The following DCC variants were observed in gnomAD, a reference collection of about 807,000 sequenced individuals.
DCC encodes DCC netrin 1 receptor, also known as netrin receptor DCC.
DCC carries 58 observed loss-of-function variants against 172.5 expected under a neutral mutation model. That is an observed-to-expected ratio of 0.34 (90% CI 0.27 to 0.42). The LOEUF is 0.42. DCC is among the 10% of genes least tolerant of loss of function. The pLI is 1.00. For missense variants in DCC, 1,740 were observed against 1,791.0 expected, an observed-to-expected ratio of 0.97 and a Z score of 0.51; for synonymous variants, 709 against 644.5, an observed-to-expected ratio of 1.10 and a Z score of -1.52.
Position 52,620,232 on chromosome 18 carries a change from C to T in DCC, c.92-131822C>T, listed in dbSNP as rs561820980. Among the ~76,000 whole-genome samples the T allele has an allele frequency of 5.3e-5, 8 of 152,292 alleles. No individual in the cohort carries two copies. In the South Asian group the frequency reaches 1.5e-3, roughly 28 times the overall value. On this transcript the variant is annotated intron_variant, in intron 1 of 28. Transcript: ENST00000442544. ...CCTCTCAAACAATTTCTCTCCTTAT[C>T]TGTGAAGGGAGGAGGTTGGACAGTT...
chr18:53,402,285 G>C (rs780520565), intron 18 of DCC, among the ~76,000 whole-genome samples: 1 of 151,982 alleles, frequency 6.6e-6, no homozygotes, highest in Admixed American at 6.5e-5. Flanking sequence ...GGCTACTCAG[G>C]AGGCTGAGAT....
At chr18:52,907,443 G>T (rs563661476) in intron 3 of DCC, among the ~76,000 whole-genome samples, 1 of 150,104 alleles carries the variant, frequency 6.7e-6, no homozygotes, top group East Asian at 1.9e-4. Context: ...TTTAGACTAG[G>T]GTCTTACTCT....
In DCC at chr18:53,000,320, T is replaced by C. The variant is rs184628482; in HGVS notation, c.986-62985T>C. Among the ~76,000 whole-genome samples, 6 of 152,222 alleles carry C rather than the reference T, an allele frequency of 3.9e-5. No individual in the cohort carries two copies. In the East Asian group the frequency reaches 1.2e-3, roughly 29 times the overall value. On this transcript the variant is annotated intron_variant, in intron 5 of 28. Transcript: ENST00000442544. Reference sequence around the variant, plus strand: ...TATAGTAAGCGGTGCCCCTTGATGATGCTTCTTCAGCCCCCTTCACATTAT... The same window carrying C: ...TATAGTAAGCGGTGCCCCTTGATGACGCTTCTTCAGCCCCCTTCACATTAT...
intron 15 of DCC, among the ~76,000 whole-genome samples, chr18:53,345,532 T>C (rs2057713637): frequency 6.6e-6 from 1 of 152,184 alleles, no homozygotes; most frequent in South Asian, 2.1e-4. Flanking sequence ...TATGATGTTT[T>C]CTATTTACCC....
At chr18:53,354,877 T>C (rs1446031232) in intron 15 of DCC, among the ~76,000 whole-genome samples, 1 of 151,058 alleles carries the variant, frequency 6.6e-6, no homozygotes, top group Non-Finnish European at 1.5e-5. Context: ...TGGTATTGCC[T>C]AGGTTTTCTT....
In DCC at chr18:53,311,658, A is replaced by G. The variant is rs192029588; in HGVS notation, c.2053+5939A>G. ...AAAACAATGTTTAACATTTACAACA[A>G]TAATACCCATATTATTACTTACTGA... is the stretch of plus-strand genomic sequence containing the variant. On this transcript the variant is annotated intron_variant, in intron 13 of 28. Coordinates refer to ENST00000442544, the MANE Select transcript of DCC (RefSeq NM_005215.4). 5.3e-5 allele frequency among the ~76,000 whole-genome samples: 8 copies of G among 152,368 alleles called. No homozygotes were observed. In the East Asian group the frequency reaches 1.4e-3, roughly 26 times the overall value.
At chr18:52,393,180 C>T (rs951436770) in intron 1 of DCC, among the ~76,000 whole-genome samples, 2 of 152,072 alleles carry the variant, frequency 1.3e-5, no homozygotes, top group Non-Finnish European at 2.9e-5. Context: ...TCATTCTAAA[C>T]CTAAATATCC....
intron 5 of DCC, among the ~76,000 whole-genome samples, chr18:53,028,597 A>G (rs1420083679): frequency 6.6e-6 from 1 of 152,180 alleles, no homozygotes; most frequent in Non-Finnish European, 1.5e-5. Context: ...ATAACTTCTT[A>G]ACCTAATAGT....
At chr18:53,202,751 T>C (rs2055560286) in intron 9 of DCC, among the ~76,000 whole-genome samples, 1 of 152,202 alleles carries the variant, frequency 6.6e-6, no homozygotes, top group Non-Finnish European at 1.5e-5. Flanking sequence ...AGAGAGCTTG[T>C]GCCTCTGGAT....
intron 1 of DCC, among the ~76,000 whole-genome samples, chr18:52,480,232 A>T (rs1437364875): frequency 2.0e-5 from 3 of 151,706 alleles, no homozygotes; most frequent in African/African-American, 7.3e-5. Context: ...CAAACTGCTA[A>T]ATAATTTATT....
intron 12 of DCC, among the ~76,000 whole-genome samples, chr18:53,245,108 G>A (rs930693134): frequency 1.3e-5 from 2 of 152,004 alleles, no homozygotes; most frequent in African/African-American, 4.8e-5. Flanking sequence ...TCTTACTATA[G>A]TCCATGCTAG....
chr18:53,519,374 A>T (rs1250339207), intron 27 of DCC, among the ~76,000 whole-genome samples: 1 of 152,004 alleles, frequency 6.6e-6, no homozygotes, highest in Non-Finnish European at 1.5e-5. Flanking sequence ...AATAATATAG[A>T]TCAGCTTAGA....
chr18:52,490,945 C>A (rs1290746490), intron 1 of DCC, among the ~76,000 whole-genome samples: 1 of 152,074 alleles, frequency 6.6e-6, no homozygotes, highest in Non-Finnish European at 1.5e-5. Context: ...CAAAAACAAT[C>A]AATTTCTTCT....
At chr18:52,447,247 T>G (rs1284957859) in intron 1 of DCC, among the ~76,000 whole-genome samples, 1 of 152,196 alleles carries the variant, frequency 6.6e-6, no homozygotes, top group Non-Finnish European at 1.5e-5. Context: ...TTTGATATGG[T>G]TATCAAACAG....
intron 1 of DCC, among the ~76,000 whole-genome samples, chr18:52,659,978 C>G (rs564899804): frequency 6.6e-6 from 1 of 152,218 alleles, no homozygotes; most frequent in Admixed American, 6.5e-5. Flanking sequence ...AGTGATTTAC[C>G]TGAATCTAAC....
intron 7 of DCC, among the ~76,000 whole-genome samples, chr18:53,135,951 G>T (rs763638286): frequency 1.4e-4 from 22 of 152,064 alleles, no homozygotes; most frequent in Non-Finnish European, 2.5e-4. Flanking sequence ...GCTATGCATG[G>T]TTATTTTTCC....
chr18:53,060,349 A>G (rs1030662450), intron 5 of DCC, among the ~76,000 whole-genome samples: 7 of 152,124 alleles, frequency 4.6e-5, no homozygotes, highest in Non-Finnish European at 7.4e-5. Context: ...CTGATTCACA[A>G]TATTGCTGTT....
intron 13 of DCC, among the ~76,000 whole-genome samples, chr18:53,316,213 C>G (rs1221501980): frequency 1.3e-5 from 2 of 152,120 alleles, no homozygotes; most frequent in Non-Finnish European, 2.9e-5. Context: ...AATAGGGAAT[C>G]CTTTCCCCAT....
At chr18:53,125,761 C>T (rs557805704) in intron 7 of DCC, among the ~76,000 whole-genome samples, 2 of 152,260 alleles carry the variant, frequency 1.3e-5, no homozygotes, top group East Asian at 3.9e-4. Flanking sequence ...CCGAAGTGTA[C>T]ACACAGACAC....
Sources: gnomAD v4.1 joint callset for allele counts (sites outside exome capture counted in the v4.1 genomes callset) on GRCh38, gnomAD v4.1.1 for gene constraint, MANE v1.5 for transcripts, NCBI Gene and HGNC (gene_info 2026-07-23, HGNC 2026-07-21) for gene names.